Variants in PCLO observed in about 807,000 individuals in gnomAD.
PCLO encodes protein piccolo.
PCLO carries 82 observed loss-of-function variants against 427.5 expected under a neutral mutation model. The ratio of observed to expected loss-of-function variants is 0.19; its 90% CI spans 0.16 to 0.23. PCLO has a LOEUF of 0.23. Among genes scored for constraint, PCLO ranks in the 10% least tolerant of loss-of-function variants. The pLI is 1.00. For synonymous variants in PCLO, 2,357 were observed against 2,155.4 expected, an observed-to-expected ratio of 1.09 and a Z score of -2.59; for missense variants, 6,239 against 6,115.9, an observed-to-expected ratio of 1.02 and a Z score of -0.67.
At position 82,927,330 on chromosome 7, in the gene PCLO, AT is replaced by A. The variant is rs201966310; in HGVS notation, c.11113-10458del. ...ATTTCGCTTTCATGAGATAACCACT[AT>A]TTTTTTAAATCAATTTGTTAATTAT... On this transcript the variant is annotated intron_variant, in intron 6 of 24. Coordinates refer to ENST00000333891, the MANE Select transcript of PCLO (RefSeq NM_033026.6). 8.3e-3 allele frequency among the ~76,000 whole-genome samples: 1,257 copies of A among 152,224 alleles called. 12 individuals are homozygous for A. Among genetic ancestry groups the A allele is most frequent in the Non-Finnish European group, 0.012 (806 of 68,020 alleles).
intron 6 of PCLO, among the ~76,000 whole-genome samples, chr7:82,917,256 C>A (rs536157865): frequency 4.1e-4 from 63 of 152,062 alleles, no homozygotes; most frequent in African/African-American, 1.4e-3. Flanking sequence ...CGACTTTTGC[C>A]CCCTGGAGTG....
At chr7:82,921,774 C>CA (rs534330923) in intron 6 of PCLO, among the ~76,000 whole-genome samples, 3 of 151,356 alleles carry the variant, frequency 2.0e-5, no homozygotes, top group South Asian at 2.1e-4. Context: ...TTCTGCACAG[C>CA]AAAAAAACTA....
chr7:83,063,898 G>A (rs1192517738), intron 3 of PCLO, among the ~76,000 whole-genome samples: 2 of 152,004 alleles, frequency 1.3e-5, no homozygotes, highest in Non-Finnish European at 2.9e-5. Flanking sequence ...ATTTTGCACT[G>A]ATAAATATCC....
intron 3 of PCLO, among the ~76,000 whole-genome samples, chr7:83,009,332 G>A (rs1036392769): frequency 6.6e-6 from 1 of 151,766 alleles, no homozygotes; most frequent in African/African-American, 2.4e-5. Flanking sequence ...TTTTGATACT[G>A]TGAAATTAAC....
intron 3 of PCLO, among the ~76,000 whole-genome samples, chr7:83,065,834 CAGTT>C (rs994057167): frequency 2.0e-5 from 3 of 152,004 alleles, no homozygotes; most frequent in African/African-American, 7.2e-5. Context: ...GTGTCAAAAA[CAGTT>C]AGGTCAGTAG....
intron 6 of PCLO, among the ~76,000 whole-genome samples, chr7:82,918,005 C>A (rs1376096742): frequency 1.3e-5 from 2 of 151,762 alleles, no homozygotes; most frequent in African/African-American, 4.8e-5. Flanking sequence ...CTTCATGTAA[C>A]CCTACTAGTT....
intron 9 of PCLO, among the ~76,000 whole-genome samples, chr7:82,886,675 A>T (rs919897821): frequency 6.6e-6 from 1 of 152,104 alleles, no homozygotes; most frequent in African/African-American, 2.4e-5. Context: ...TTTCCTATAT[A>T]TATCAGGGGC....
intron 22 of PCLO, among the ~76,000 whole-genome samples, chr7:82,766,951 G>T (rs1195011930): frequency 6.6e-6 from 1 of 152,128 alleles, no homozygotes; most frequent in Non-Finnish European, 1.5e-5. Context: ...GCTTACTGAG[G>T]TTGTCTCAAA....
chr7:82,870,485 T>C (rs1253235056), intron 10 of PCLO, among the ~76,000 whole-genome samples: 5 of 151,954 alleles, frequency 3.3e-5, no homozygotes, highest in Non-Finnish European at 7.4e-5. Flanking sequence ...ATGAAACTAC[T>C]AGAAGAAAAA....
intron 6 of PCLO, among the ~76,000 whole-genome samples, chr7:82,947,101 C>T (rs2116405739): frequency 6.6e-6 from 1 of 152,094 alleles, no homozygotes; most frequent in East Asian, 1.9e-4. Context: ...AAACTTTGTC[C>T]ATTTATTCCC....
chr7:82,833,763 TAAC>T (rs1562808002), intron 16 of PCLO, among the ~76,000 whole-genome samples: 1 of 152,160 alleles, frequency 6.6e-6, no homozygotes, highest in African/African-American at 2.4e-5. Context: ...GCAATAATAA[TAAC>T]AACTACTATT....
rs1226601709 is a variant in PCLO at position 82,915,140 on chromosome 7, T to G, written c.12846A>C (p.Pro4282=). Reference sequence around the variant, plus strand: ...GTCTGGACCTGCTGCCACTACTGTATGGCTTATCCGCTTCATCCTGCAGAG... The same window carrying G: ...GTCTGGACCTGCTGCCACTACTGTAGGGCTTATCCGCTTCATCCTGCAGAG... The part of the protein sequence containing the change: ...RSALQDEADK[P]YSSGSRSRPS... Residue 4282 remains proline, a synonymous_variant, in exon 7 of 25, where the codon CCA becomes CCC. Coordinates refer to ENST00000333891, the MANE Select transcript of PCLO (RefSeq NM_033026.6). 6.3e-7 allele frequency: 1 copy of G among 1,591,300 alleles called. No individual in the cohort carries two copies. The highest frequency in any genetic ancestry group is 1.3e-5 in the African/African-American group (1 of 74,610).
At chr7:82,791,126 T>A (rs893577293) in intron 22 of PCLO, among the ~76,000 whole-genome samples, 1 of 152,186 alleles carries the variant, frequency 6.6e-6, no homozygotes, top group African/African-American at 2.4e-5. Context: ...CCTGTGAGAA[T>A]TGGGTTCACC....
intron 3 of PCLO, among the ~76,000 whole-genome samples, chr7:82,981,485 G>A (rs189062360): frequency 3.3e-5 from 5 of 152,110 alleles, no homozygotes; most frequent in Admixed American, 1.3e-4. Flanking sequence ...AGTGACAGGC[G>A]ATATCACCAA....
intron 3 of PCLO, among the ~76,000 whole-genome samples, chr7:83,123,380 G>T (rs1042644154): frequency 1.3e-5 from 2 of 152,178 alleles, no homozygotes; most frequent in Admixed American, 1.3e-4. Flanking sequence ...TGGGGAAAGT[G>T]TATTCTCTTC....
intron 6 of PCLO, among the ~76,000 whole-genome samples, chr7:82,918,073 T>C (rs1395303804): frequency 6.6e-6 from 1 of 152,056 alleles, no homozygotes; most frequent in African/African-American, 2.4e-5. Context: ...TTGAAGTTTA[T>C]ATGTTTCTAA....
intron 3 of PCLO, among the ~76,000 whole-genome samples, chr7:83,126,671 A>G (rs554980526): frequency 6.6e-6 from 1 of 152,104 alleles, no homozygotes; most frequent in South Asian, 2.1e-4. Context: ...TAAATTGATA[A>G]AGATTTAAAT....
chr7:83,049,318 C>T (rs368301484), intron 3 of PCLO, among the ~76,000 whole-genome samples: 5 of 152,130 alleles, frequency 3.3e-5, no homozygotes, highest in African/African-American at 1.2e-4. Flanking sequence ...ATGTGTTGTA[C>T]CCTATTAACA....
chr7:83,107,458 A>C (rs1180026621), intron 3 of PCLO, among the ~76,000 whole-genome samples: 1 of 147,060 alleles, frequency 6.8e-6, no homozygotes, highest in African/African-American at 2.6e-5. Flanking sequence ...ATATGACTTA[A>C]GTTATAAATT....
Sources: allele counts gnomAD v4.1 joint callset (sites outside exome capture counted in the v4.1 genomes callset), GRCh38; gene constraint gnomAD v4.1.1; transcripts MANE v1.5; gene names NCBI Gene and HGNC (gene_info 2026-07-23, HGNC 2026-07-21).